Variants in PPP4R1 observed in about 807,000 individuals in gnomAD.
The protein encoded by PPP4R1 is protein phosphatase 4 regulatory subunit 1.
A neutral mutation model predicts 111.2 loss-of-function variants in PPP4R1; 42 were observed. That is an observed-to-expected ratio of 0.38 (90% CI 0.29 to 0.49). The LOEUF (loss-of-function observed/expected upper bound fraction) is 0.49, where lower values mean the gene tolerates loss of function less well. Ranked by LOEUF, PPP4R1 falls within the 20% of genes least tolerant of loss-of-function variation. The pLI, the probability that PPP4R1 is intolerant of heterozygous loss-of-function variation, is 0.97. For missense variants in PPP4R1, 1,012 were observed against 1,161.6 expected, an observed-to-expected ratio of 0.87 and a Z score of 1.87; for synonymous variants, 409 against 405.5, an observed-to-expected ratio of 1.01 and a Z score of -0.10.
chr18:9,577,097 C>CTTTT lies in PPP4R1; in HGVS notation c.1009_1012dup (p.Ser338LysfsTer13). On this transcript the variant is annotated frameshift_variant, in exon 10 of 20. Coordinates refer to ENST00000400556, the MANE Select transcript of PPP4R1 (RefSeq NM_001042388.3). LOFTEE classifies it high-confidence loss of function. Reference sequence around the variant, plus strand: ...GTTTTCTACTGACATCTCTTCTGAACTTTTGCTTTCTTCTTTAAAATACTG... The same window carrying CTTTT: ...GTTTTCTACTGACATCTCTTCTGAACTTTTTTTTGCTTTCTTCTTTAAAATACTG... The CTTTT allele has an allele frequency of 6.3e-7, 1 of 1,593,596 alleles. No individual in the cohort carries two copies. Among genetic ancestry groups the CTTTT allele is most frequent in the Non-Finnish European group, 8.6e-7 (1 of 1,168,018 alleles).
Position 9,563,520 on chromosome 18 carries a change from C to T in PPP4R1, c.1604G>A (p.Arg535His), listed in dbSNP as rs768771972. The part of the protein sequence containing the change: ...AQVEVLSAAL[R>H]ASSLDAHEET... ...TTCATGTGCATCCAGGCTGGAAGCA[C>T]GTAGTGCAGCGGACAGCACTTCCAC... The change falls in exon 12 of 20, where the codon CGT (arginine) becomes CAT (histidine). Residue 535 changes from arginine to histidine, a missense_variant. Coordinates refer to ENST00000400556, the MANE Select transcript of PPP4R1 (RefSeq NM_001042388.3). 6 of 1,606,820 alleles carry T rather than the reference C, an allele frequency of 3.7e-6. No homozygotes were observed. The highest frequency in any genetic ancestry group is 1.1e-5 in the South Asian group (1 of 90,672).
intron 6 of PPP4R1, 119 bp from the exon 7 acceptor site, chr18:9,584,947 T>C: frequency 1.3e-6 from 1 of 757,392 alleles, no homozygotes; most frequent in Non-Finnish European, 2.1e-6. Context: ...ATCATTATAC[T>C]ATATACATGA....
intron 6 of PPP4R1, 28 bp from the exon 7 acceptor site, chr18:9,584,856 T>C: frequency 1.3e-6 from 2 of 1,511,200 alleles, no homozygotes; most frequent in Non-Finnish European, 1.8e-6. Flanking sequence ...AAACACACAC[T>C]GAAAATATCA....
chr18:9,562,089 A>G lies in PPP4R1; in HGVS notation c.1747-14T>C, dbSNP rs769993416. 4 of 1,577,124 alleles carry G rather than the reference A, an allele frequency of 2.5e-6. No homozygotes were observed. Among genetic ancestry groups the G allele is most frequent in the Non-Finnish European group, 3.5e-6 (4 of 1,147,166 alleles). On this transcript the variant is annotated splice_polypyrimidine_tract_variant and intron_variant, in intron 12 of 19. Transcript: ENST00000400556. ...GGAGTCCATATTCTGTTAGGAAAAAATAACTACTTAAAGAGCTGTCCTGTC... is the reference window on the plus strand; with the variant it reads ...GGAGTCCATATTCTGTTAGGAAAAAGTAACTACTTAAAGAGCTGTCCTGTC...
intron 2 of PPP4R1, among the ~76,000 whole-genome samples, chr18:9,596,182 A>G (rs1290284049): frequency 6.6e-6 from 1 of 152,256 alleles, no homozygotes; most frequent in Non-Finnish European, 1.5e-5. Context: ...AGAGTTGCAC[A>G]TGGTTATATA....
At position 9,550,402 on chromosome 18, in the gene PPP4R1, CA is replaced by C; in HGVS notation, c.2292-5del. 1 of 1,574,942 alleles carries C rather than the reference CA, an allele frequency of 6.3e-7. No homozygotes were observed. Among genetic ancestry groups the C allele is most frequent in the African/African-American group, 1.4e-5 (1 of 72,804 alleles). The stretch of plus-strand genomic sequence containing the variant: ...CTCTAGAAGTAAAATCAGCTGTCTA[CA>C]AAAAGGAATTACAAAAAGACAATGT... On this transcript the variant is annotated splice_polypyrimidine_tract_variant and splice_region_variant and intron_variant, in intron 16 of 19. Coordinates refer to ENST00000400556, the MANE Select transcript of PPP4R1 (RefSeq NM_001042388.3).
At position 9,547,088 on chromosome 18, in the gene PPP4R1, G is replaced by A. The variant is rs536917413; in HGVS notation, c.*701C>T. On this transcript the variant is annotated 3_prime_UTR_variant, in exon 20 of 20. Coordinates refer to ENST00000400556, the MANE Select transcript of PPP4R1 (RefSeq NM_001042388.3). ...TAAAAACACCAGACATACATTATACGTCTAATAAATTTCCTTCAGGTCATG... is the reference window on the plus strand; with the variant it reads ...TAAAAACACCAGACATACATTATACATCTAATAAATTTCCTTCAGGTCATG... 3.3e-5 allele frequency: 5 copies of A among 152,762 alleles called. No homozygotes were observed. The highest frequency in any genetic ancestry group is 1.9e-4 in the East Asian group (1 of 5,186). 9.5% of individuals were successfully genotyped at this position (152,762 alleles called of 1,614,324 possible).
intron 12 of PPP4R1, among the ~76,000 whole-genome samples, chr18:9,562,566 A>C (rs1371717818): frequency 2.6e-5 from 4 of 152,252 alleles, no homozygotes; most frequent in Admixed American, 2.6e-4. Context: ...TCAAATCTCC[A>C]ATAAATAGTC....
intron 19 of PPP4R1, among the ~76,000 whole-genome samples, 161 bp from the exon 20 acceptor site, chr18:9,548,113 A>G (rs188698994): frequency 1.3e-5 from 2 of 152,314 alleles, no homozygotes; most frequent in African/African-American, 4.8e-5. Context: ...TTATAGGAAG[A>G]AAAAGTGCCA....
At chr18:9,577,030 G>T (rs2066946795) in intron 10 of PPP4R1, 34 bp downstream of exon 10, 5 of 1,465,526 alleles carry the variant, frequency 3.4e-6, no homozygotes, top group East Asian at 2.3e-5. Context: ...AGAAAACAAG[G>T]TTTTAAAATT....
chr18:9,605,378 T>C lies in PPP4R1; in HGVS notation c.52+8848A>G, dbSNP rs533768789. ...ATTCTAACACTAAATGGGTAAATGT[T>C]TGGAAACAGGGTATTTCCCCATTGT... On this transcript the variant is annotated intron_variant, in intron 2 of 19. Transcript: ENST00000400556. Among the ~76,000 whole-genome samples, 113 of 152,166 alleles carry C rather than the reference T, an allele frequency of 7.4e-4. 1 individual carries two copies. The highest frequency in any genetic ancestry group is 2.3e-3 in the African/African-American group (96 of 41,520).
rs199941092 is a variant in PPP4R1 at position 9,557,235 on chromosome 18, G to A, written c.2176C>T (p.His726Tyr). The change falls in exon 15 of 20, where the codon CAT becomes TAT. Residue 726 changes from histidine to tyrosine, a missense_variant. Physicochemically the swap from His to Tyr is moderately conservative, Grantham distance 83. Around this residue, in one of 2 missense-constraint regions of PPP4R1, gnomAD observed 305 missense variants for 419.5 expected, o/e 0.73. Transcript: ENST00000400556. ...TTAAAAGTTACCTTCAGAAAATCAT[G>A]CAAGTGTTTAAGAACACCTATCCTG... ...EVRIGVLKHL[H>Y]DFLKLLHIDK... 104 of 1,576,916 alleles carry A rather than the reference G, an allele frequency of 6.6e-5. No individual in the cohort carries two copies. Among genetic ancestry groups the A allele is most frequent in the Non-Finnish European group, 6.9e-5 (81 of 1,169,006 alleles).
At chr18:9,616,252 CTTTT>C (rs35547777), upstream of PPP4R1, among the ~76,000 whole-genome samples, 1 of 146,658 alleles carries the variant, frequency 6.8e-6, no homozygotes, top group African/African-American at 2.5e-5. Context: ...CAAATCAGCT[CTTTT>C]TTTTTTTTTC....
chr18:9,600,841 A>G (rs1038859077), intron 2 of PPP4R1, among the ~76,000 whole-genome samples: 1 of 152,192 alleles, frequency 6.6e-6, no homozygotes, highest in Non-Finnish European at 1.5e-5. Flanking sequence ...ATATAGCTCC[A>G]CTGCACTCCA....
rs1487499646 is a variant in PPP4R1 at position 9,563,522 on chromosome 18, T to C, written c.1602A>G (p.Leu534=). ...KAQVEVLSAA[L]RASSLDAHEE... ...CATGTGCATCCAGGCTGGAAGCACG[T>C]AGTGCAGCGGACAGCACTTCCACTT... Residue 534 remains leucine (L), a synonymous_variant, in exon 12 of 20, where the codon CTA becomes CTG. Coordinates refer to ENST00000400556, the MANE Select transcript of PPP4R1 (RefSeq NM_001042388.3). 4 of 1,607,162 alleles carry C rather than the reference T, an allele frequency of 2.5e-6. No individual in the cohort carries two copies. Among genetic ancestry groups the C allele is most frequent in the Non-Finnish European group, 8.5e-7 (1 of 1,175,414 alleles).
At chr18:9,553,217 T>A (rs1303201421) in intron 16 of PPP4R1, 105 bp downstream of exon 16, 6 of 837,444 alleles carry the variant, frequency 7.2e-6, no homozygotes, top group Non-Finnish European at 1.1e-5. Flanking sequence ...GAATACCACA[T>A]AGAAACTTGG....
At chr18:9,604,828 A>C (rs992640956) in intron 2 of PPP4R1, among the ~76,000 whole-genome samples, 1 of 152,166 alleles carries the variant, frequency 6.6e-6, no homozygotes, top group East Asian at 1.9e-4. Context: ...AACAGAGTCC[A>C]ATGCTTCTCA....
At chr18:9,566,029 G>C (rs2066759463) in intron 11 of PPP4R1, among the ~76,000 whole-genome samples, 1 of 151,870 alleles carries the variant, frequency 6.6e-6, no homozygotes, top group Non-Finnish European at 1.5e-5. Context: ...TCCTGCCCCA[G>C]CCTCCCTAGC....
intron 4 of PPP4R1, among the ~76,000 whole-genome samples, chr18:9,592,472 G>A (rs1359257990): frequency 6.6e-6 from 1 of 152,104 alleles, no homozygotes; most frequent in Non-Finnish European, 1.5e-5. Flanking sequence ...TTGTTTATAT[G>A]TTGGCTGCAT....
Sources: gnomAD v4.1 joint callset for allele counts (sites outside exome capture counted in the v4.1 genomes callset) on GRCh38, gnomAD v4.1.1 for gene constraint, gnomAD v4.1.1 regional missense constraint, MANE v1.5 for transcripts, NCBI Gene and HGNC (gene_info 2026-07-23, HGNC 2026-07-21) for gene names.